DNAJB4: variants seen among roughly 807,000 people sequenced by gnomAD.
DNAJB4 encodes the protein DnaJ heat shock protein family (Hsp40) member B4.
Under a neutral mutation model 26.6 loss-of-function variants are expected in DNAJB4, and 10 were observed. The ratio of observed to expected loss-of-function variants is 0.38; its 90% CI spans 0.23 to 0.64. DNAJB4 has a LOEUF of 0.64. Ranked by LOEUF, DNAJB4 falls within the 30% of genes least tolerant of loss-of-function variation. The pLI is 0.58. For synonymous variants in DNAJB4, 136 were observed against 134.8 expected (o/e 1.01, Z -0.06); for missense variants, 328 against 408.2 (o/e 0.80, Z 1.69).
At chr1:77,996,878 C>A (rs1370632810) in intron 1 of DNAJB4, among the ~76,000 whole-genome samples, 1 of 152,098 alleles carries the variant, frequency 6.6e-6, no homozygotes, top group Non-Finnish European at 1.5e-5. Context: ...GGATCTCCCT[C>A]TGTCACCCGG....
At chr1:78,001,188 TTAAAA>T (rs1175629125), upstream of DNAJB4, among the ~76,000 whole-genome samples, 1 of 151,552 alleles carries the variant, frequency 6.6e-6, no homozygotes, top group African/African-American at 2.4e-5. Flanking sequence ...CTATAAGAAA[TTAAAA>T]TAAGCCAGAT....
At chr1:77,996,966 C>T (rs749695102) in intron 1 of DNAJB4, among the ~76,000 whole-genome samples, 4 of 152,128 alleles carry the variant, frequency 2.6e-5, no homozygotes, top group Non-Finnish European at 5.9e-5. Flanking sequence ...GAACCACAGG[C>T]GTGAGCCACA....
upstream of DNAJB4, among the ~76,000 whole-genome samples, chr1:78,001,501 T>G (rs2102601793): frequency 6.6e-6 from 1 of 152,340 alleles, no homozygotes; most frequent in Admixed American, 6.5e-5. Flanking sequence ...CTTCTGAGAC[T>G]CATGGCATTT....
intron 2 of DNAJB4, 65 bp downstream of exon 2, chr1:78,013,684 C>A: frequency 8.0e-7 from 1 of 1,249,610 alleles, no homozygotes; most frequent in Non-Finnish European, 1.1e-6. Flanking sequence ...GGGAGTGTAT[C>A]TAGATAATAG....
chr1:77,995,804 G>C (rs1301582523), intron 1 of DNAJB4, among the ~76,000 whole-genome samples: 4 of 152,064 alleles, frequency 2.6e-5, no homozygotes, highest in Non-Finnish European at 5.9e-5. Flanking sequence ...AAATTAGCTG[G>C]GTGTGGTGGC....
chr1:77,996,682 A>G (rs1660066703), intron 1 of DNAJB4, among the ~76,000 whole-genome samples: 1 of 152,210 alleles, frequency 6.6e-6, no homozygotes, highest in African/African-American at 2.4e-5. Context: ...ATGACACAGT[A>G]TCAACATTTG....
intron 1 of DNAJB4, among the ~76,000 whole-genome samples, chr1:77,998,566 G>A (rs539950553): frequency 6.6e-6 from 1 of 152,290 alleles, no homozygotes; most frequent in South Asian, 2.1e-4. Flanking sequence ...TCAGCTGAGT[G>A]CGGTGGCTCA....
chr1:78,003,905 C>A (rs1202439638), upstream of DNAJB4, among the ~76,000 whole-genome samples: 1 of 152,094 alleles, frequency 6.6e-6, no homozygotes. Flanking sequence ...CAGGGATTAC[C>A]TAAAATGATA....
At position 78,005,461 on chromosome 1, in the gene DNAJB4, G is replaced by A. The variant is rs1193959570; in HGVS notation, c.211+140G>A. The A allele has an allele frequency of 3.6e-5, 25 of 700,724 alleles. No individual in the cohort carries two copies. The Admixed American group carries it at 8.0e-4, about 22-fold the overall frequency. 43.4% of individuals were successfully genotyped at this position (700,724 alleles called of 1,614,324 possible). A position where few individuals can be genotyped will look rare whatever the true frequency, so the allele number is the denominator to read the frequency against. On this transcript the variant is annotated intron_variant, in intron 1 of 2. Coordinates refer to ENST00000370763, the MANE Select transcript of DNAJB4 (RefSeq NM_007034.5). Reference sequence around the variant, plus strand: ...TGGATTCTCAGTCATATCAAAAGTAGAAGGACAAATGTATAATAACAAGGT... The same window carrying A: ...TGGATTCTCAGTCATATCAAAAGTAAAAGGACAAATGTATAATAACAAGGT...
rs183545629 is a variant in DNAJB4 at position 77,998,067 on chromosome 1, A to G, written c.-31-7013A>G. Among the ~76,000 whole-genome samples the G allele has an allele frequency of 8.5e-5, 13 of 152,202 alleles. No individual in the cohort carries two copies. The East Asian group carries it at 2.3e-3, about 27-fold the overall frequency. On this transcript the variant is annotated intron_variant, in intron 1 of 2. Coordinates refer to the DNAJB4 transcript ENST00000426517. ...TGGGATTACAGGCGTGAGCCACCGC[A>G]CCGGCCTCTGTTTGACTATCTTTAA...
At chr1:78,015,379 A>C (rs1660606159) in intron 2 of DNAJB4, among the ~76,000 whole-genome samples, 1 of 151,738 alleles carries the variant, frequency 6.6e-6, no homozygotes, top group African/African-American at 2.4e-5. Flanking sequence ...AGCAGCTTCA[A>C]AATAACCATG....
intron 1 of DNAJB4, among the ~76,000 whole-genome samples, chr1:77,989,266 T>C (rs1234306504): frequency 6.6e-6 from 1 of 152,220 alleles, no homozygotes; most frequent in Non-Finnish European, 1.5e-5. Context: ...TCAAATTTTA[T>C]CTTCTTTGAG....
Position 78,013,618 on chromosome 1 carries a change from A to G in DNAJB4, c.779A>G (p.Glu260Gly), listed in dbSNP as rs1660556519. Reference sequence around the variant, plus strand: ...TATACTGCTAAAATTAGTTTACGAGAGGTAAGTTGGTAGGACCTAAAATCC... The same window carrying G: ...TATACTGCTAAAATTAGTTTACGAGGGGTAAGTTGGTAGGACCTAAAATCC... ...IIYTAKISLR[E>G]ALCGCSINVP... Residue 260 changes from glutamate to glycine, a missense_variant and splice_region_variant, in exon 2 of 3, where the codon GAG becomes GGG. Physicochemically the swap from Glu to Gly is moderately conservative, Grantham distance 98. Coordinates refer to ENST00000370763, the MANE Select transcript of DNAJB4 (RefSeq NM_007034.5). The G allele has an allele frequency of 3.1e-5, 48 of 1,569,772 alleles. No individual in the cohort carries two copies. The highest frequency in any genetic ancestry group is 4.0e-5 in the Non-Finnish European group (47 of 1,164,702).
chr1:77,990,793 T>C (rs1659914257), intron 1 of DNAJB4, among the ~76,000 whole-genome samples: 3 of 152,274 alleles, frequency 2.0e-5, no homozygotes, highest in South Asian at 4.1e-4. Context: ...TTCTTACTAC[T>C]TAATCCTACC....
chr1:78,014,443 G>A, intron 2 of DNAJB4, among the ~76,000 whole-genome samples: 1 of 151,900 alleles, frequency 6.6e-6, no homozygotes, highest in East Asian at 1.9e-4. Context: ...TTGTAACTTT[G>A]CAAATATGGT....
upstream of DNAJB4, chr1:77,979,201 A>C (rs1298546786): frequency 3.4e-6 from 2 of 584,894 alleles, no homozygotes; most frequent in Non-Finnish European, 6.0e-6. Flanking sequence ...GGGCTGAGAA[A>C]GAACGACAGG....
chr1:77,987,879 G>A (rs1210030592), intron 1 of DNAJB4, among the ~76,000 whole-genome samples: 1 of 149,232 alleles, frequency 6.7e-6, no homozygotes, highest in African/African-American at 2.5e-5. Flanking sequence ...TTAGTCTTTG[G>A]CACCCTAAGC....
intron 1 of DNAJB4, among the ~76,000 whole-genome samples, chr1:77,993,605 G>A (rs1469627906): frequency 6.6e-6 from 1 of 152,074 alleles, no homozygotes; most frequent in Admixed American, 6.5e-5. Context: ...ATGAGCCACC[G>A]TGCCTGACTT....
At chr1:77,986,372 A>G (rs1355540100) in intron 1 of DNAJB4, among the ~76,000 whole-genome samples, 1 of 152,230 alleles carries the variant, frequency 6.6e-6, no homozygotes, top group Admixed American at 6.5e-5. Flanking sequence ...AACTCAAACA[A>G]TAAAAATCTT....
Sources: gnomAD v4.1 joint callset for allele counts (sites outside exome capture counted in the v4.1 genomes callset) on GRCh38, gnomAD v4.1.1 for gene constraint, MANE v1.5 for transcripts, NCBI Gene and HGNC (gene_info 2026-07-23, HGNC 2026-07-21) for gene names.